FNBP1: variants seen among roughly 807,000 people sequenced by gnomAD.
The protein encoded by FNBP1 is formin binding protein 1, also known as formin-binding protein 1.
Under a neutral mutation model 90.6 loss-of-function variants are expected in FNBP1, and 26 were observed. That is an observed-to-expected ratio of 0.29 (90% CI 0.21 to 0.40). The LOEUF (loss-of-function observed/expected upper bound fraction) is 0.40, where lower values mean the gene tolerates loss of function less well. Among genes scored for constraint, FNBP1 ranks in the 10% least tolerant of loss-of-function variants. The pLI, the probability that FNBP1 is intolerant of heterozygous loss-of-function variation, is 1.00. For missense variants in FNBP1, 635 were observed against 768.0 expected (o/e 0.83, Z 2.05); for synonymous variants, 260 against 265.2 (o/e 0.98, Z 0.19).
intron 11 of FNBP1, among the ~76,000 whole-genome samples, chr9:129,910,504 A>AAAAAAAAAAAAAAAAAAG (rs1298095363): frequency 9.6e-6 from 1 of 104,058 alleles, no homozygotes; most frequent in Non-Finnish European, 1.8e-5. Context: ...AAAAAAAAAA[A>AAAAAAAAAAAAAAAAAAG]AGAGAGAGAG....
At chr9:130,051,388 G>C in the FNBP1 span, among the ~76,000 whole-genome samples, 1 of 152,142 alleles carries the variant, frequency 6.6e-6, no homozygotes, top group Non-Finnish European at 1.5e-5. Context: ...TCTTAAACTG[G>C]AGACTATTAA....
the FNBP1 span, among the ~76,000 whole-genome samples, chr9:130,052,813 A>T: frequency 6.6e-6 from 1 of 152,104 alleles, no homozygotes; most frequent in African/African-American, 2.4e-5. Flanking sequence ...ACTTTAAAAG[A>T]TAAAAAGTAC....
At chr9:130,025,130 A>G (rs1260599335) in intron 1 of FNBP1, among the ~76,000 whole-genome samples, 2 of 152,008 alleles carry the variant, frequency 1.3e-5, no homozygotes, top group Non-Finnish European at 2.9e-5. Flanking sequence ...CAGTGAGTGG[A>G]GATCGCGCCA....
At chr9:129,991,445 A>G (rs2053142359) in intron 2 of FNBP1, among the ~76,000 whole-genome samples, 1 of 148,442 alleles carries the variant, frequency 6.7e-6, no homozygotes, top group African/African-American at 2.5e-5. Flanking sequence ...TAATTTTTTA[A>G]AATTCTTTTT....
chr9:129,895,590 G>A (rs2035578175), intron 16 of FNBP1: 2 of 1,240,278 alleles, frequency 1.6e-6, no homozygotes, highest in Non-Finnish European at 2.0e-6. Context: ...ATAGCTGTAA[G>A]TTGGCGGTTG....
chr9:130,046,121 C>G (rs537351156), upstream of FNBP1, among the ~76,000 whole-genome samples: 1 of 152,152 alleles, frequency 6.6e-6, no homozygotes, highest in South Asian at 2.1e-4. Flanking sequence ...TGAAGTATAG[C>G]TCCTAAAATC....
intron 1 of FNBP1, among the ~76,000 whole-genome samples, chr9:130,023,255 C>A (rs1356267243): frequency 6.6e-6 from 1 of 152,018 alleles, no homozygotes; most frequent in Non-Finnish European, 1.5e-5. Flanking sequence ...CAGGTGTGGC[C>A]TATTCAAAAA....
chr9:129,923,578 G>C (rs1220790111), intron 10 of FNBP1, among the ~76,000 whole-genome samples: 1 of 135,710 alleles, frequency 7.4e-6, no homozygotes, highest in African/African-American at 2.7e-5. Flanking sequence ...ACTCTGTCTG[G>C]AAAAAAAAAA....
chr9:129,890,485 A>C lies in FNBP1; in HGVS notation c.*54T>G. ...AGGGCGCTGGAGGCCTGTGGGAACA[A>C]GCAGACGGAGGCTCCTCCAGGAAGG... On this transcript the variant is annotated 3_prime_UTR_variant, in exon 17 of 17. Transcript: ENST00000446176. This position sits in a 1 kb window ranked among gnomAD's most constrained non-coding sequence, Gnocchi z 5.8. The C allele has an allele frequency of 3.9e-6, 6 of 1,519,284 alleles. No individual in the cohort carries two copies. The highest frequency in any genetic ancestry group is 5.4e-6 in the Non-Finnish European group (6 of 1,111,576). 94.1% of individuals were successfully genotyped at this position (1,519,284 alleles called of 1,614,324 possible). A position where few individuals can be genotyped will look rare whatever the true frequency, so the allele number is the denominator to read the frequency against.
intron 1 of FNBP1, among the ~76,000 whole-genome samples, chr9:130,003,907 G>C (rs1260848693): frequency 5.8e-5 from 5 of 86,156 alleles, no homozygotes; most frequent in African/African-American, 1.3e-4. Context: ...CTGGGCGACA[G>C]AGCGAGACTC....
At chr9:129,967,005 G>A (rs11789432) in intron 4 of FNBP1, among the ~76,000 whole-genome samples, 1 of 152,172 alleles carries the variant, frequency 6.6e-6, no homozygotes, top group African/African-American at 2.4e-5. Flanking sequence ...ATGTGGAAGA[G>A]GGGTGAGAAG....
intron 12 of FNBP1, among the ~76,000 whole-genome samples, chr9:129,906,321 T>A (rs576882719): frequency 6.6e-6 from 1 of 152,344 alleles, no homozygotes; most frequent in African/African-American, 2.4e-5. Flanking sequence ...AATGTTCTTA[T>A]GTGGGCTTGA....
At chr9:129,926,899 AAAAAAG>A (rs904007583) in intron 8 of FNBP1, among the ~76,000 whole-genome samples, 148 of 151,944 alleles carry the variant, frequency 9.7e-4, no homozygotes, top group African/African-American at 2.6e-3. Context: ...AAGAAAAAAA[AAAAAAG>A]AAAAAGAAAA....
Position 129,890,581 on chromosome 9 carries a change from C to T in FNBP1, c.1847-35G>A, listed in dbSNP as rs2035003135. 1 of 1,516,120 alleles carries T rather than the reference C, an allele frequency of 6.6e-7. No individual in the cohort carries two copies. Among genetic ancestry groups the T allele is most frequent in the Non-Finnish European group, 8.9e-7 (1 of 1,123,180 alleles). The allele number at this position is 1,516,120 out of a possible 1,614,324, so 93.9% of individuals were successfully genotyped here. On this transcript the variant is annotated intron_variant, in intron 16 of 16. Coordinates refer to ENST00000446176, the MANE Select transcript of FNBP1 (RefSeq NM_015033.3). The surrounding 1 kb of genome is among the most constrained non-coding windows in gnomAD (Gnocchi z 5.8). ...AAAGAGAAACAGAAAGAGAAACTCT[C>T]TGTTAGAGAGGAAGGCGCGGGTTCC...
In FNBP1 at chr9:129,890,630, A is replaced by G; in HGVS notation, c.1847-84T>C. 2.8e-6 allele frequency: 3 copies of G among 1,057,374 alleles called. No individual in the cohort carries two copies. Among genetic ancestry groups the G allele is most frequent in the Middle Eastern group, 2.4e-4 (1 of 4,214 alleles). 65.5% of individuals were successfully genotyped at this position (1,057,374 alleles called of 1,614,324 possible). A position where few individuals can be genotyped will look rare whatever the true frequency, so the allele number is the denominator to read the frequency against. ...CCAGGCGGGCATTTTGCTCTTGGCT[A>G]CAAACTGCACCGCCCTGGGAGGGGA... On this transcript the variant is annotated intron_variant, in intron 16 of 16. Coordinates refer to ENST00000446176, the MANE Select transcript of FNBP1 (RefSeq NM_015033.3). This position sits in a 1 kb window ranked among gnomAD's most constrained non-coding sequence, Gnocchi z 5.8.
intron 4 of FNBP1, among the ~76,000 whole-genome samples, chr9:129,965,396 CA>C (rs1415808220): frequency 1.3e-5 from 2 of 152,198 alleles, no homozygotes; most frequent in African/African-American, 4.8e-5. Flanking sequence ...TAACACTGAG[CA>C]GCATGAGGCA....
intron 1 of FNBP1, among the ~76,000 whole-genome samples, chr9:130,005,866 T>G (rs934195507): frequency 6.6e-6 from 1 of 152,242 alleles, no homozygotes; most frequent in Non-Finnish European, 1.5e-5. Context: ...AGATACCTTA[T>G]GTTTTGACAA....
At position 129,900,662 on chromosome 9, in the gene FNBP1, A is replaced by G. The variant is rs2036746867; in HGVS notation, c.1429-115T>C. 1.8e-6 allele frequency: 2 copies of G among 1,107,072 alleles called. No homozygotes were observed. Among genetic ancestry groups the G allele is most frequent in the Non-Finnish European group, 2.3e-6 (2 of 852,244 alleles). The allele number at this position is 1,107,072 out of a possible 1,614,324, so 68.6% of individuals were successfully genotyped here. ...CAGCCCGGAGCATCCTAAGGTCCCA[A>G]ACTCAGGGGCTACTCTTGGCCATTT... is the stretch of plus-strand genomic sequence containing the variant. On this transcript the variant is annotated intron_variant, in intron 13 of 16. Transcript: ENST00000446176. The surrounding 1 kb of genome is among the most constrained non-coding windows in gnomAD (Gnocchi z 4.1).
chr9:130,028,272 G>A (rs1225129772), intron 1 of FNBP1, among the ~76,000 whole-genome samples: 1 of 152,202 alleles, frequency 6.6e-6, no homozygotes, highest in Non-Finnish European at 1.5e-5. Context: ...GTATCTCTAA[G>A]AAAGATAAAG....
Sources: allele counts gnomAD v4.1 joint callset (sites outside exome capture counted in the v4.1 genomes callset), GRCh38; gene constraint gnomAD v4.1.1; non-coding constraint Gnocchi (gnomAD v3.1); transcripts MANE v1.5; gene names NCBI Gene and HGNC (gene_info 2026-07-23, HGNC 2026-07-21).